Variants in INPP5A observed in about 807,000 individuals in gnomAD.
INPP5A encodes inositol polyphosphate-5-phosphatase A.
In INPP5A, 14 loss-of-function variants were observed where a neutral mutation model predicts 65.2. The observed-to-expected ratio is 0.21, with a 90% CI of 0.14 to 0.34. The LOEUF (loss-of-function observed/expected upper bound fraction) is 0.34, where lower values mean the gene tolerates loss of function less well. INPP5A is among the 10% of genes least tolerant of loss of function. The pLI, the probability that INPP5A is intolerant of heterozygous loss-of-function variation, is 1.00. For synonymous variants in INPP5A, 207 were observed against 208.3 expected (o/e 0.99, Z 0.05); for missense variants, 431 against 545.6 (o/e 0.79, Z 2.09).
At chr10:132,554,168 G>A (rs1041663341) in intron 1 of INPP5A, among the ~76,000 whole-genome samples, 6 of 152,202 alleles carry the variant, frequency 3.9e-5, no homozygotes, top group Non-Finnish European at 8.8e-5. Flanking sequence ...TATTTATTCA[G>A]ATAGGAAGTA....
intron 2 of INPP5A, among the ~76,000 whole-genome samples, chr10:132,608,343 C>G (rs2071888534): frequency 6.6e-6 from 1 of 152,232 alleles, no homozygotes; most frequent in South Asian, 2.1e-4. Context: ...GCAGCGCACT[C>G]TGTGCAGAGA....
chr10:132,690,312 G>T, intron 4 of INPP5A, 80 bp from the exon 5 acceptor site: 1 of 943,430 alleles, frequency 1.1e-6, no homozygotes, highest in Non-Finnish European at 1.7e-6. Flanking sequence ...GTTTAAAAGA[G>T]CTTCTTTTAT....
intron 12 of INPP5A, among the ~76,000 whole-genome samples, chr10:132,770,054 C>T (rs371147331): frequency 1.2e-4 from 19 of 152,324 alleles, no homozygotes; most frequent in South Asian, 6.2e-4. Flanking sequence ...GCATTTCTCA[C>T]GAAACCCCAT....
At chr10:132,750,882 G>A (rs760268263) in intron 11 of INPP5A, among the ~76,000 whole-genome samples, 8 of 152,222 alleles carry the variant, frequency 5.3e-5, no homozygotes, top group Non-Finnish European at 1.0e-4. Flanking sequence ...GAGCACAGGC[G>A]GGTAGACCCA....
intron 9 of INPP5A, among the ~76,000 whole-genome samples, chr10:132,730,027 C>T (rs1846054881): frequency 1.3e-5 from 2 of 152,366 alleles, no homozygotes; most frequent in East Asian, 3.9e-4. Flanking sequence ...TCCCGTCCTT[C>T]AGGAATTGAG....
chr10:132,712,962 G>A (rs932858098), intron 8 of INPP5A, among the ~76,000 whole-genome samples: 4 of 151,462 alleles, frequency 2.6e-5, no homozygotes, highest in African/African-American at 9.7e-5. Context: ...GTGTGTGGGT[G>A]CATGTGGATC....
intron 9 of INPP5A, among the ~76,000 whole-genome samples, chr10:132,732,293 G>A (rs1846100923): frequency 6.6e-6 from 1 of 152,244 alleles, no homozygotes; most frequent in Admixed American, 6.5e-5. Flanking sequence ...TAAGATCCTT[G>A]CATTAGTGTT....
At chr10:132,559,658 C>T (rs1252985051) in intron 1 of INPP5A, among the ~76,000 whole-genome samples, 1 of 147,146 alleles carries the variant, frequency 6.8e-6, no homozygotes, top group Non-Finnish European at 1.5e-5. Flanking sequence ...CACGTGTGTT[C>T]CAGGGACCTC....
At chr10:132,712,983 C>T (rs1297409052) in intron 8 of INPP5A, among the ~76,000 whole-genome samples, 8 of 145,334 alleles carry the variant, frequency 5.5e-5, no homozygotes, top group African/African-American at 2.1e-4. Context: ...TGTGTGGATG[C>T]ATGTGTGCTA....
chr10:132,571,409 G>T (rs995991021), intron 1 of INPP5A, among the ~76,000 whole-genome samples: 1 of 152,234 alleles, frequency 6.6e-6, no homozygotes, highest in Non-Finnish European at 1.5e-5. Context: ...CCCAGCTGCG[G>T]GGAAGGGCTT....
intron 4 of INPP5A, among the ~76,000 whole-genome samples, chr10:132,683,227 C>T (rs574426950): frequency 2.0e-4 from 29 of 147,448 alleles, no homozygotes; most frequent in Non-Finnish European, 3.4e-4. Context: ...ACGTGTCTGC[C>T]GTGACCCAGC....
intron 1 of INPP5A, among the ~76,000 whole-genome samples, chr10:132,554,136 C>T (rs1223733308): frequency 3.3e-5 from 5 of 152,294 alleles, no homozygotes; most frequent in Admixed American, 1.3e-4. Flanking sequence ...TTCGAGGGCG[C>T]CTCCTCAGAG....
chr10:132,596,424 G>A (rs545631022), intron 1 of INPP5A, among the ~76,000 whole-genome samples: 1 of 151,546 alleles, frequency 6.6e-6, no homozygotes, highest in East Asian at 1.9e-4. Context: ...GTGTGTGCAT[G>A]TTTTGTTTTG....
intron 9 of INPP5A, among the ~76,000 whole-genome samples, chr10:132,735,250 C>T (rs1443048317): frequency 6.6e-6 from 1 of 152,216 alleles, no homozygotes; most frequent in Non-Finnish European, 1.5e-5. Context: ...CCAGCCTCCA[C>T]CCTGGGTTTG....
chr10:132,692,546 A>G (rs1845284962), intron 5 of INPP5A, among the ~76,000 whole-genome samples: 1 of 152,262 alleles, frequency 6.6e-6, no homozygotes, highest in Non-Finnish European at 1.5e-5. Context: ...GAAAGAATCC[A>G]GGAGATTCCT....
intron 4 of INPP5A, among the ~76,000 whole-genome samples, chr10:132,682,887 A>T (rs901562531): frequency 3.3e-5 from 5 of 151,634 alleles, no homozygotes; most frequent in Admixed American, 6.6e-5. Flanking sequence ...CGCACGTTTA[A>T]TCTGTGTGTA....
At chr10:132,633,736 C>G (rs1161290378) in intron 2 of INPP5A, among the ~76,000 whole-genome samples, 1 of 152,234 alleles carries the variant, frequency 6.6e-6, no homozygotes, top group Non-Finnish European at 1.5e-5. Flanking sequence ...TTGCGCAGCT[C>G]CAGGGCTCCT....
chr10:132,604,921 C>T lies in INPP5A; in HGVS notation c.76-2994C>T, dbSNP rs188100157. ...GAGACTCAGAGCAAAGCAGGTGGAG[C>T]GGAGGGCAGGGAGGCCACGGGCTCA... On this transcript the variant is annotated intron_variant, in intron 1 of 15. Transcript: ENST00000368594. Among the ~76,000 whole-genome samples the T allele has an allele frequency of 4.9e-3, 746 of 152,264 alleles. 5 individuals carry two copies. The highest frequency in any genetic ancestry group is 0.017 in the African/African-American group (704 of 41,546).
Position 132,650,761 on chromosome 10 carries a change from G to C in INPP5A, c.306+256G>C, listed in dbSNP as rs1256019464. ...ACCAAGCCCAAGAGGGAATTGGGGA[G>C]TGACAGGTGGGGAGAGGCCCAGGGC... On this transcript the variant is annotated intron_variant, in intron 4 of 15. Transcript: ENST00000368594. The surrounding 1 kb of genome is among the most constrained non-coding windows in gnomAD (Gnocchi z 5.5). Among the ~76,000 whole-genome samples the C allele has an allele frequency of 2.6e-5, 4 of 152,226 alleles. No homozygotes were observed. The highest frequency in any genetic ancestry group is 9.6e-5 in the African/African-American group (4 of 41,460).
Sources: allele counts gnomAD v4.1 joint callset (sites outside exome capture counted in the v4.1 genomes callset), GRCh38; gene constraint gnomAD v4.1.1; non-coding constraint Gnocchi (gnomAD v3.1); transcripts MANE v1.5; gene names NCBI Gene and HGNC (gene_info 2026-07-23, HGNC 2026-07-21).